Variants in SLC24A2 observed in about 807,000 individuals in gnomAD.
The protein encoded by SLC24A2 is sodium/potassium/calcium exchanger 2.
In SLC24A2, 36 loss-of-function variants were observed where a neutral mutation model predicts 62.0. The observed-to-expected ratio is 0.58, with a 90% CI of 0.44 to 0.77. The LOEUF is 0.77. Among genes scored for constraint, SLC24A2 ranks in the 30% least tolerant of loss-of-function variants. SLC24A2 has a pLI of 0.00. For synonymous variants in SLC24A2, 358 were observed against 294.0 expected (o/e 1.22, Z -2.23); for missense variants, 846 against 817.9 (o/e 1.03, Z -0.42).
At chr9:19,566,984 A>G (rs1459216159) in intron 7 of SLC24A2, among the ~76,000 whole-genome samples, 1 of 151,040 alleles carries the variant, frequency 6.6e-6, no homozygotes, top group Non-Finnish European at 1.5e-5. Flanking sequence ...GGGGATGGAA[A>G]GCATTAGGAG....
chr9:19,545,289 G>A (rs957576251), intron 8 of SLC24A2, among the ~76,000 whole-genome samples: 2 of 151,904 alleles, frequency 1.3e-5, no homozygotes, highest in African/African-American at 4.8e-5. Flanking sequence ...GGTCATTTAT[G>A]TTCTTCTCGA....
chr9:20,281,803 A>AACAT, the SLC24A2 span, among the ~76,000 whole-genome samples: 1 of 152,236 alleles, frequency 6.6e-6, no homozygotes, highest in Non-Finnish European at 1.5e-5. Context: ...GCTTTTGGCA[A>AACAT]ACATACATAT....
chr9:20,262,336 C>G, the SLC24A2 span, among the ~76,000 whole-genome samples: 2 of 152,180 alleles, frequency 1.3e-5, no homozygotes, highest in African/African-American at 4.8e-5. Context: ...CCGAAGTTTC[C>G]TTGTCTATAA....
intron 9 of SLC24A2, among the ~76,000 whole-genome samples, chr9:19,524,058 A>G (rs1833318066): frequency 1.3e-5 from 2 of 151,140 alleles, no homozygotes. Flanking sequence ...TACTCTGAAA[A>G]ATCAGGGAGC....
the SLC24A2 span, among the ~76,000 whole-genome samples, chr9:20,189,336 G>A: frequency 2.0e-5 from 3 of 152,116 alleles, no homozygotes; most frequent in African/African-American, 4.8e-5. Flanking sequence ...TTGATAAATC[G>A]ACTGCTGGGA....
At chr9:19,691,357 C>T (rs905480692) in intron 2 of SLC24A2, among the ~76,000 whole-genome samples, 8 of 152,096 alleles carry the variant, frequency 5.3e-5, no homozygotes, top group African/African-American at 1.9e-4. Flanking sequence ...TGAAATCTCC[C>T]ATGGGCAGAA....
In SLC24A2 at chr9:19,705,390, G is replaced by T. The variant is rs149360931; in HGVS notation, c.930+80547C>A. ...CTGTGGGTATTGAACTGGGAGTGGT[G>T]TCTGAGGTACTGGGTGGTTGGGGCT... On this transcript the variant is annotated intron_variant, in intron 2 of 10. Transcript: ENST00000341998. The T allele has an allele frequency of 4.4e-3, 710 of 162,296 alleles. 5 individuals carry two copies. Among genetic ancestry groups the T allele is most frequent in the Non-Finnish European group, 8.0e-3 (587 of 73,802 alleles). The allele number at this position is 162,296 out of a possible 1,614,324, so 10.1% of individuals were successfully genotyped here.
chr9:19,906,855 G>C, the SLC24A2 span, among the ~76,000 whole-genome samples: 1 of 152,066 alleles, frequency 6.6e-6, no homozygotes, highest in Non-Finnish European at 1.5e-5. Flanking sequence ...ACCAAAAAAA[G>C]TCCAGGACCA....
At chr9:19,565,775 C>G (rs539938579) in intron 7 of SLC24A2, among the ~76,000 whole-genome samples, 39 of 152,150 alleles carry the variant, frequency 2.6e-4, no homozygotes, top group African/African-American at 9.2e-4. Flanking sequence ...AAATATAGAC[C>G]AATGGAACAG....
the SLC24A2 span, among the ~76,000 whole-genome samples, chr9:20,306,352 C>T: frequency 1.2e-4 from 19 of 152,224 alleles, no homozygotes; most frequent in Non-Finnish European, 7.3e-5. Context: ...AAATGCAAGG[C>T]AAGGCCCAAA....
the SLC24A2 span, among the ~76,000 whole-genome samples, chr9:19,904,422 G>C: frequency 6.6e-5 from 10 of 152,284 alleles, no homozygotes; most frequent in African/African-American, 1.9e-4. Flanking sequence ...ATTATACAGA[G>C]ACTCAGTTTT....
chr9:20,305,837 T>C, the SLC24A2 span, among the ~76,000 whole-genome samples: 1 of 152,140 alleles, frequency 6.6e-6, no homozygotes, highest in African/African-American at 2.4e-5. Context: ...CAGAAATGTA[T>C]TTCTCACAGT....
chr9:19,897,942 T>C, the SLC24A2 span, among the ~76,000 whole-genome samples: 1 of 152,210 alleles, frequency 6.6e-6, no homozygotes, highest in Non-Finnish European at 1.5e-5. Flanking sequence ...CACTTTTCCT[T>C]TTGCTGATTG....
At chr9:20,251,968 C>G in the SLC24A2 span, among the ~76,000 whole-genome samples, 2 of 152,180 alleles carry the variant, frequency 1.3e-5, no homozygotes, top group Non-Finnish European at 2.9e-5. Flanking sequence ...GAAGCTTAAG[C>G]CAGACTTTGC....
chr9:19,986,723 A>T, the SLC24A2 span, among the ~76,000 whole-genome samples: 1 of 152,192 alleles, frequency 6.6e-6, no homozygotes, highest in East Asian at 1.9e-4. Flanking sequence ...CCATTTATAC[A>T]AATTATCTTG....
chr9:19,549,994 G>A, intron 8 of SLC24A2, 143 bp downstream of exon 8: 1 of 776,020 alleles, frequency 1.3e-6, no homozygotes, highest in Non-Finnish European at 2.2e-6. Context: ...TTACATAATA[G>A]TTGTACCTAT....
the SLC24A2 span, among the ~76,000 whole-genome samples, chr9:20,115,322 A>G: frequency 2.0e-5 from 3 of 152,066 alleles, no homozygotes; most frequent in Non-Finnish European, 4.4e-5. Context: ...GTTAATGGAG[A>G]TTTCGGGCAG....
intron 2 of SLC24A2, among the ~76,000 whole-genome samples, chr9:19,761,553 A>G (rs544362804): frequency 6.6e-6 from 1 of 152,058 alleles, no homozygotes; most frequent in South Asian, 2.1e-4. Context: ...ACGTATGTAT[A>G]CATGTGCCAT....
chr9:19,576,242 A>T (rs753537457), intron 6 of SLC24A2, among the ~76,000 whole-genome samples: 1 of 152,236 alleles, frequency 6.6e-6, no homozygotes, highest in Non-Finnish European at 1.5e-5. Context: ...AGATCAGGTT[A>T]AATTTAGTTT....
Sources: gnomAD v4.1 joint callset for allele counts (sites outside exome capture counted in the v4.1 genomes callset) on GRCh38, gnomAD v4.1.1 for gene constraint, MANE v1.5 for transcripts, NCBI Gene and HGNC (gene_info 2026-07-23, HGNC 2026-07-21) for gene names.